OLFML2A: variants seen among roughly 807,000 people sequenced by gnomAD.
OLFML2A encodes the protein olfactomedin-like protein 2A.
OLFML2A carries 47 observed loss-of-function variants against 60.9 expected under a neutral mutation model. That is an observed-to-expected ratio of 0.77 (90% CI 0.61 to 0.98). OLFML2A has a LOEUF of 0.98. OLFML2A is among the 50% of genes least tolerant of loss of function. The probability of loss-of-function intolerance (pLI) is 0.00; values close to 1 mark genes in which losing one functional copy is unlikely to be tolerated. For missense variants in OLFML2A, 922 were observed against 879.8 expected (o/e 1.05, Z -0.61); for synonymous variants, 372 against 375.0 (o/e 0.99, Z 0.09).
intron 1 of OLFML2A, among the ~76,000 whole-genome samples, chr9:124,786,291 C>T (rs530790932): frequency 1.4e-4 from 21 of 152,188 alleles, no homozygotes; most frequent in African/African-American, 2.6e-4. Flanking sequence ...GGCATGGTGG[C>T]GCATGCCTGT....
chr9:124,801,530 G>A lies in OLFML2A; in HGVS notation c.786G>A (p.Leu262=). 2 of 1,614,168 alleles carry A rather than the reference G, an allele frequency of 1.2e-6. No homozygotes were observed. Among genetic ancestry groups the A allele is most frequent in the Non-Finnish European group, 1.7e-6 (2 of 1,180,034 alleles). ...AGAAGCTGCTTCAGGTGGAGAAGCT[G>A]AGAAAGGAGAGCGGCAAGGGCAGTT... The part of the protein sequence containing the change: ...PKEKLLQVEK[L]RKESGKGSFL... Residue 262 remains leucine, a synonymous_variant, in exon 5 of 8, where the codon CTG becomes CTA. Coordinates refer to ENST00000373580, the MANE Select transcript of OLFML2A (RefSeq NM_182487.4).
chr9:124,810,158 C>G lies in OLFML2A; in HGVS notation c.1705C>G (p.Arg569Gly), dbSNP rs759322338. The change falls in exon 8 of 8, where the codon CGG becomes GGG. Residue 569 changes from arginine to glycine, a missense_variant. Physicochemically the swap from Arg to Gly is moderately radical, Grantham distance 125 (BLOSUM62 -2). Transcript: ENST00000373580. Reference sequence around the variant, plus strand: ...GCACCGGGAGACCACGTGGAAGACACGGCTGCGGCGGAACTCCTACGGGAA... The same window carrying G: ...GCACCGGGAGACCACGTGGAAGACAGGGCTGCGGCGGAACTCCTACGGGAA... ...SVHRETTWKT[R>G]LRRNSYGNCF... 2.4e-5 allele frequency: 39 copies of G among 1,613,764 alleles called. No individual in the cohort carries two copies. Among genetic ancestry groups the G allele is most frequent in the Non-Finnish European group, 3.3e-5 (39 of 1,180,024 alleles).
rs1452905929 is a variant in OLFML2A, at chr9:124,799,402, G to A, written c.580G>A (p.Glu194Lys). 1.2e-6 allele frequency: 2 copies of A among 1,613,858 alleles called. No homozygotes were observed. The highest frequency in any genetic ancestry group is 1.7e-6 in the Non-Finnish European group (2 of 1,179,980). Reference sequence around the variant, plus strand: ...TGCCATCATGCTGGGCATCAAGAAGGAGCTGTCCCGCCTGGGCCTCCAGCT... The same window carrying A: ...TGCCATCATGCTGGGCATCAAGAAGAAGCTGTCCCGCCTGGGCCTCCAGCT... ...HSAIMLGIKK[E>K]LSRLGLQLLQ... is the part of the protein sequence containing the mutation. Residue 194 changes from glutamate (E) to lysine (K), a missense_variant, in exon 4 of 8, where the codon GAG becomes AAG. By Grantham distance (56) the Glu-to-Lys change is moderately conservative (BLOSUM62 1). Transcript: ENST00000373580.
In OLFML2A at chr9:124,804,213, C is replaced by G; in HGVS notation, c.1039C>G (p.Arg347Gly). ...QDEAEPRSSERVDLASGTPTS... is the reference protein window; with the variant it reads ...QDEAEPRSSEGVDLASGTPTS... ...TGAGGCTGAGCCCAGGTCCTCCGAG[C>G]GAGTGGACCTGGCTTCTGGCACCCC... The change falls in exon 6 of 8, where the codon CGA becomes GGA. Residue 347 changes from arginine (R) to glycine (G), a missense_variant. By Grantham distance (125) the Arg-to-Gly change is moderately radical. Transcript: ENST00000373580. 3 of 1,614,054 alleles carry G rather than the reference C, an allele frequency of 1.9e-6. No homozygotes were observed. Among genetic ancestry groups the G allele is most frequent in the Admixed American group, 1.7e-5 (1 of 60,020 alleles).
intron 5 of OLFML2A, among the ~76,000 whole-genome samples, chr9:124,802,858 C>A (rs1841807195): frequency 6.6e-6 from 1 of 152,212 alleles, no homozygotes; most frequent in Non-Finnish European, 1.5e-5. Flanking sequence ...GTCCCCTGGG[C>A]ACCAGACCAT....
chr9:124,796,124 C>CAG (rs1271797243), intron 3 of OLFML2A, among the ~76,000 whole-genome samples: 1 of 152,220 alleles, frequency 6.6e-6, no homozygotes, highest in African/African-American at 2.4e-5. Context: ...GCTTCCTTTA[C>CAG]AGAGGGAGGG....
At chr9:124,809,780 C>G in intron 7 of OLFML2A, 28 bp from the exon 8 acceptor site, 1 of 1,570,894 alleles carries the variant, frequency 6.4e-7, no homozygotes, top group Non-Finnish European at 8.7e-7. Flanking sequence ...CTCGGGAGGT[C>G]TGGGGTGACC....
At position 124,811,961 on chromosome 9, in the gene OLFML2A, G is replaced by C. The variant is rs1285749073; in HGVS notation, c.*1549G>C. ...GTTCTGTCTGTATCCTTTATTCTCCGCACATGGAGGCTGCCCTACCTGGGA... is the reference window on the plus strand; with the variant it reads ...GTTCTGTCTGTATCCTTTATTCTCCCCACATGGAGGCTGCCCTACCTGGGA... On this transcript the variant is annotated 3_prime_UTR_variant, in exon 8 of 8. Transcript: ENST00000373580. 1 of 152,282 alleles carries C rather than the reference G, an allele frequency of 6.6e-6. No individual in the cohort carries two copies. The allele number at this position is 152,282 out of a possible 1,614,324, so 9.4% of individuals were successfully genotyped here. A position where few individuals can be genotyped will look rare whatever the true frequency, so the allele number is the denominator to read the frequency against.
chr9:124,793,270 C>T (rs1008430794), intron 2 of OLFML2A, among the ~76,000 whole-genome samples: 1 of 152,206 alleles, frequency 6.6e-6, no homozygotes, highest in Non-Finnish European at 1.5e-5. Context: ...CTCCCTGACA[C>T]TCTGGCATTT....
chr9:124,782,785 T>G (rs557541482), intron 1 of OLFML2A, among the ~76,000 whole-genome samples: 1 of 152,168 alleles, frequency 6.6e-6, no homozygotes, highest in Non-Finnish European at 1.5e-5. Context: ...GGAAGGAATG[T>G]CACGGTCCGA....
chr9:124,797,169 T>G (rs1841684157), intron 3 of OLFML2A, among the ~76,000 whole-genome samples: 1 of 152,144 alleles, frequency 6.6e-6, no homozygotes, highest in African/African-American at 2.4e-5. Flanking sequence ...TTTGTAGAGA[T>G]GGGGCTTTAC....
At chr9:124,807,104 T>G (rs1020710743) in intron 6 of OLFML2A, among the ~76,000 whole-genome samples, 5 of 150,796 alleles carry the variant, frequency 3.3e-5, no homozygotes, top group Non-Finnish European at 7.4e-5. Context: ...TTTTTTTTTT[T>G]GTAGAGAGAA....
At position 124,810,582 on chromosome 9, in the gene OLFML2A, T is replaced by G. The variant is rs1841993954; in HGVS notation, c.*170T>G. On this transcript the variant is annotated 3_prime_UTR_variant, in exon 8 of 8. Coordinates refer to ENST00000373580, the MANE Select transcript of OLFML2A (RefSeq NM_182487.4). ...TTCCTCAGCACCCAGTGGGTAATAC[T>G]TGCTTCCACTTGCAGAGCACCGTGC... The G allele has an allele frequency of 4.7e-6, 3 of 635,922 alleles. No individual in the cohort carries two copies. Among genetic ancestry groups the G allele is most frequent in the African/African-American group, 1.8e-5 (1 of 54,410 alleles). 39.4% of individuals were successfully genotyped at this position (635,922 alleles called of 1,614,324 possible).
At position 124,801,775 on chromosome 9, in the gene OLFML2A, ACCTGTTGGGTG is replaced by A. The variant is rs1841784307; in HGVS notation, c.919+115_919+125del. ...CCAGATTCAGTTCCACCCATTGATTACCTGTTGGGTGCCCTCTGCTCATTCACATATGAGGA... is the reference window on the plus strand; with the variant it reads ...CCAGATTCAGTTCCACCCATTGATTACCCTCTGCTCATTCACATATGAGGA... On this transcript the variant is annotated intron_variant, in intron 5 of 7. Coordinates refer to ENST00000373580, the MANE Select transcript of OLFML2A (RefSeq NM_182487.4). 12 of 1,193,356 alleles carry A rather than the reference ACCTGTTGGGTG, an allele frequency of 1.0e-5. No homozygotes were observed. The East Asian group carries it at 3.0e-4, about 30-fold the overall frequency. The allele number at this position is 1,193,356 out of a possible 1,614,324, so 73.9% of individuals were successfully genotyped here. A position where few individuals can be genotyped will look rare whatever the true frequency, so the allele number is the denominator to read the frequency against.
At chr9:124,797,392 G>A (rs565877380) in intron 3 of OLFML2A, among the ~76,000 whole-genome samples, 1 of 152,294 alleles carries the variant, frequency 6.6e-6, no homozygotes, top group East Asian at 1.9e-4. Context: ...TTTTCAGGCA[G>A]GGAAACTGAG....
chr9:124,790,604 C>T (rs531315290), intron 2 of OLFML2A, among the ~76,000 whole-genome samples: 1 of 152,152 alleles, frequency 6.6e-6, no homozygotes, highest in Non-Finnish European at 1.5e-5. Context: ...GTCAGCAGAA[C>T]TGGCTTAGGA....
intron 4 of OLFML2A, chr9:124,801,036 G>A (rs976543197): frequency 6.4e-5 from 99 of 1,551,406 alleles, no homozygotes; most frequent in Admixed American, 4.1e-4. Context: ...CCCTGCCCAC[G>A]TACTAAGACC....
rs140747120 is a variant in OLFML2A at position 124,812,103 on chromosome 9, A to G, written c.*1691A>G. 0.01 allele frequency: 1,554 copies of G among 151,728 alleles called. 17 individuals carry two copies. Among genetic ancestry groups the G allele is most frequent in the Middle Eastern group, 0.024 (7 of 288 alleles). The allele number at this position is 151,728 out of a possible 1,614,324, so 9.4% of individuals were successfully genotyped here. ...CTGGATGTCTGTATGTTTGAATACC[A>G]GTTGCCATGTTAGGAAGGTCAGCTG... On this transcript the variant is annotated 3_prime_UTR_variant, in exon 8 of 8. Coordinates refer to ENST00000373580, the MANE Select transcript of OLFML2A (RefSeq NM_182487.4).
intron 4 of OLFML2A, chr9:124,801,104 G>A (rs1335623501): frequency 6.6e-7 from 1 of 1,523,006 alleles, no homozygotes; most frequent in Non-Finnish European, 8.9e-7. Context: ...TGCCTCCCAG[G>A]GAGCTGGTCC....
Sources: gnomAD v4.1 joint callset for allele counts (sites outside exome capture counted in the v4.1 genomes callset) on GRCh38, gnomAD v4.1.1 for gene constraint, MANE v1.5 for transcripts, NCBI Gene and HGNC (gene_info 2026-07-23, HGNC 2026-07-21) for gene names.